THSD7A: variants seen among roughly 807,000 people sequenced by gnomAD.
THSD7A encodes thrombospondin type 1 domain containing 7A, also known as thrombospondin type-1 domain-containing protein 7A.
In THSD7A, 96 loss-of-function variants were observed where a neutral mutation model predicts 231.3. The ratio of observed to expected loss-of-function variants is 0.41; its 90% CI spans 0.35 to 0.49. The LOEUF (loss-of-function observed/expected upper bound fraction) is 0.49, where lower values mean the gene tolerates loss of function less well. THSD7A is among the 20% of genes least tolerant of loss of function. The pLI is 0.05. For missense variants in THSD7A, 2,290 were observed against 2,070.2 expected (o/e 1.11, Z -2.06); for synonymous variants, 940 against 743.3 (o/e 1.26, Z -4.30).
chr7:11,476,892 T>G (rs1265326490), intron 7 of THSD7A, among the ~76,000 whole-genome samples: 1 of 151,972 alleles, frequency 6.6e-6, no homozygotes, highest in Non-Finnish European at 1.5e-5. Context: ...TCTGAACTAA[T>G]TTCAAAATTA....
intron 23 of THSD7A, among the ~76,000 whole-genome samples, chr7:11,394,475 C>G (rs1490185647): frequency 6.6e-6 from 1 of 152,156 alleles, no homozygotes; most frequent in African/African-American, 2.4e-5. Flanking sequence ...AAGGCTCTGC[C>G]TGGCTTTGCG....
intron 1 of THSD7A, among the ~76,000 whole-genome samples, chr7:11,689,201 A>C (rs182356226): frequency 1.3e-5 from 2 of 152,004 alleles, no homozygotes; most frequent in Admixed American, 1.3e-4. Flanking sequence ...TCTGCCCAGC[A>C]ATTATGACCA....
At chr7:11,550,089 C>T (rs746062351) in intron 4 of THSD7A, among the ~76,000 whole-genome samples, 2 of 152,002 alleles carry the variant, frequency 1.3e-5, no homozygotes, top group South Asian at 2.1e-4. Context: ...TAGAAAACCC[C>T]GTAATCTCTG....
chr7:11,820,494 T>C (rs922246588), intron 1 of THSD7A: 8 of 990,744 alleles, frequency 8.1e-6, no homozygotes, highest in Non-Finnish European at 8.8e-6. Flanking sequence ...GTAATACTTC[T>C]TGCTTTTGGG....
rs1783121432 is a variant in THSD7A at position 11,769,058 on chromosome 7, A to G, written c.190+62699T>C. Among the ~76,000 whole-genome samples the G allele has an allele frequency of 2.1e-5, 3 of 141,472 alleles. 1 individual carries two copies. The highest frequency in any genetic ancestry group is 2.0e-4 in the East Asian group (1 of 4,896). 92.8% of individuals were successfully genotyped at this position (141,472 alleles called of 152,430 possible). On this transcript the variant is annotated intron_variant, in intron 1 of 27. Transcript: ENST00000423059. ...CTGCAACCTCTGCCTCCTGGATTCAAGTGATTCTCCTGCCTCAGCCTCCTG... is the reference window on the plus strand; with the variant it reads ...CTGCAACCTCTGCCTCCTGGATTCAGGTGATTCTCCTGCCTCAGCCTCCTG...
chr7:11,686,785 T>A (rs945537848), intron 1 of THSD7A, among the ~76,000 whole-genome samples: 8 of 151,766 alleles, frequency 5.3e-5, no homozygotes, highest in Admixed American at 4.6e-4. Context: ...AAACATTGGG[T>A]ACTTATAGAC....
At chr7:11,792,949 T>A (rs1035417630) in intron 1 of THSD7A, among the ~76,000 whole-genome samples, 2 of 151,966 alleles carry the variant, frequency 1.3e-5, no homozygotes, top group African/African-American at 4.8e-5. Context: ...GCTTTACAAT[T>A]CTTGCAATAT....
intron 23 of THSD7A, chr7:11,384,906 G>T (rs551810628): frequency 5.9e-5 from 9 of 151,644 alleles, no homozygotes; most frequent in Non-Finnish European, 8.8e-5. Flanking sequence ...GATTTTATAG[G>T]TAAATCTGTA....
chr7:11,511,405 A>T (rs1161683623), intron 6 of THSD7A, among the ~76,000 whole-genome samples: 4 of 152,196 alleles, frequency 2.6e-5, no homozygotes, highest in African/African-American at 9.7e-5. Context: ...ACTACCAATG[A>T]CTTTCTTCAC....
intron 27 of THSD7A, 136 bp downstream of exon 27, chr7:11,376,434 T>A: frequency 1.4e-6 from 1 of 700,908 alleles, no homozygotes; most frequent in Admixed American, 2.8e-5. Flanking sequence ...TTAGCCCATC[T>A]AGGACTAAAG....
At chr7:11,709,318 T>C (rs952888385) in intron 1 of THSD7A, among the ~76,000 whole-genome samples, 3 of 150,728 alleles carry the variant, frequency 2.0e-5, no homozygotes, top group Non-Finnish European at 4.5e-5. Flanking sequence ...CATGAATTTA[T>C]ACCAAGAAAT....
chr7:11,471,639 T>A (rs376510795), intron 8 of THSD7A, among the ~76,000 whole-genome samples: 1 of 152,064 alleles, frequency 6.6e-6, no homozygotes, highest in African/African-American at 2.4e-5. Context: ...TCAAAAATAA[T>A]CTTTTTGATT....
At chr7:11,445,519 A>ATGTGTGTG (rs10691034) in intron 13 of THSD7A, among the ~76,000 whole-genome samples, 4 of 149,082 alleles carry the variant, frequency 2.7e-5, no homozygotes, top group African/African-American at 7.4e-5. Context: ...CGTTTGTTTT[A>ATGTGTGTG]TGTGTGTGTG....
intron 16 of THSD7A, among the ~76,000 whole-genome samples, chr7:11,422,362 C>A (rs1293676526): frequency 2.6e-5 from 4 of 151,852 alleles, no homozygotes; most frequent in Non-Finnish European, 5.9e-5. Flanking sequence ...GAAATGTTAC[C>A]CAACACTTGC....
intron 11 of THSD7A, among the ~76,000 whole-genome samples, chr7:11,455,487 T>C (rs6958879): frequency 0.012 from 1,850 of 152,124 alleles, 46 homozygotes; most frequent in African/African-American, 0.043. Context: ...CTGGGGATAA[T>C]TGATATAAAA....
chr7:11,421,776 C>T (rs1784153792), intron 16 of THSD7A, among the ~76,000 whole-genome samples: 1 of 152,164 alleles, frequency 6.6e-6, no homozygotes, highest in South Asian at 2.1e-4. Context: ...CTGTCATTAA[C>T]TATTTTTCTA....
intron 1 of THSD7A, among the ~76,000 whole-genome samples, chr7:11,808,833 AT>A (rs1317529103): frequency 1.3e-5 from 2 of 152,162 alleles, no homozygotes; most frequent in Non-Finnish European, 2.9e-5. Context: ...TGGGCAAAAA[AT>A]ATATACCTAC....
At chr7:11,388,497 T>C (rs1175683068) in intron 23 of THSD7A, among the ~76,000 whole-genome samples, 1 of 152,240 alleles carries the variant, frequency 6.6e-6, no homozygotes, top group African/African-American at 2.4e-5. Flanking sequence ...TATAGTATTC[T>C]CAGATGGTAG....
At position 11,659,834 on chromosome 7, in the gene THSD7A, T is replaced by C. The variant is rs1196638860; in HGVS notation, c.191-22873A>G. ...GCACACTACCTTAATTCAATTATAA[T>C]ACAAATTTTGCTAGATGTTCTGTCT... On this transcript the variant is annotated intron_variant, in intron 1 of 27. Coordinates refer to ENST00000423059, the MANE Select transcript of THSD7A (RefSeq NM_015204.3). 2.0e-5 allele frequency among the ~76,000 whole-genome samples: 3 copies of C among 151,516 alleles called. No homozygotes were observed. The East Asian group carries it at 5.8e-4, about 29-fold the overall frequency.
Sources: gnomAD v4.1 joint callset for allele counts (sites outside exome capture counted in the v4.1 genomes callset) on GRCh38, gnomAD v4.1.1 for gene constraint, MANE v1.5 for transcripts, NCBI Gene and HGNC (gene_info 2026-07-23, HGNC 2026-07-21) for gene names.